LIN52: variants seen among roughly 807,000 people sequenced by gnomAD.
LIN52 encodes protein lin-52 homolog.
In LIN52, 4 loss-of-function variants were observed where a neutral mutation model predicts 18.5. The observed-to-expected ratio is 0.22, with a 90% CI of 0.11 to 0.49. LIN52 has a LOEUF of 0.49. Ranked by LOEUF, LIN52 falls within the 20% of genes least tolerant of loss-of-function variation. The probability of loss-of-function intolerance (pLI) is 0.97; values close to 1 mark genes in which losing one functional copy is unlikely to be tolerated. For synonymous variants in LIN52, 34 were observed against 45.5 expected, an observed-to-expected ratio of 0.75 and a Z score of 1.02; for missense variants, 102 against 139.5, an observed-to-expected ratio of 0.73 and a Z score of 1.35.
chr14:74,093,741 G>A (rs950810391), intron 2 of LIN52, among the ~76,000 whole-genome samples: 3 of 152,146 alleles, frequency 2.0e-5, no homozygotes, highest in East Asian at 1.9e-4. Context: ...CGAGGTGGGC[G>A]GATTACCTGA....
rs957381045 is a variant in LIN52, at chr14:74,199,542, T to A, written c.*565T>A. 6.6e-6 allele frequency: 1 copy of A among 152,284 alleles called. No homozygotes were observed. The highest frequency in any genetic ancestry group is 2.4e-5 in the African/African-American group (1 of 41,458). The allele number at this position is 152,284 out of a possible 1,614,324, so 9.4% of individuals were successfully genotyped here. Reference sequence around the variant, plus strand: ...TCTTCTCGAAATGTATATCTGTTTTTTAAAACTTCTATACCTCTTATGATA... The same window carrying A: ...TCTTCTCGAAATGTATATCTGTTTTATAAAACTTCTATACCTCTTATGATA... On this transcript the variant is annotated 3_prime_UTR_variant, in exon 6 of 6. Transcript: ENST00000555028.
At chr14:74,101,275 C>T in intron 5 of LIN52, 37 bp downstream of exon 5, 1 of 1,453,832 alleles carries the variant, frequency 6.9e-7, no homozygotes, top group South Asian at 1.3e-5. Flanking sequence ...GGGGTGTATT[C>T]CACCCTGAGC....
At chr14:74,117,175 A>T (rs1319614237) in intron 5 of LIN52, among the ~76,000 whole-genome samples, 1 of 152,234 alleles carries the variant, frequency 6.6e-6, no homozygotes, top group Non-Finnish European at 1.5e-5. Context: ...TGTTTCCCAT[A>T]CATATCTCAT....
intron 1 of LIN52, among the ~76,000 whole-genome samples, chr14:74,086,552 G>A (rs554888084): frequency 6.6e-6 from 1 of 152,062 alleles, no homozygotes; most frequent in Non-Finnish European, 1.5e-5. Context: ...TACTTGGGGG[G>A]GCTGAGGCAA....
At chr14:74,119,442 G>A (rs1319663889) in intron 5 of LIN52, among the ~76,000 whole-genome samples, 1 of 151,974 alleles carries the variant, frequency 6.6e-6, no homozygotes, top group Non-Finnish European at 1.5e-5. Context: ...GGGATTACAG[G>A]CATGAGCCGC....
Position 74,144,682 on chromosome 14 carries a change from T to G in LIN52, c.283+43444T>G, listed in dbSNP as rs796659797. 2.6e-5 allele frequency among the ~76,000 whole-genome samples: 4 copies of G among 152,326 alleles called. No individual in the cohort carries two copies. The South Asian group carries it at 8.3e-4, about 32-fold the overall frequency. On this transcript the variant is annotated intron_variant, in intron 5 of 5. Transcript: ENST00000555028. ...TGAGGTAACTGCAAATTTCCAAGTT[T>G]GTGATAACTCATAGTGTATCATTTT... is the stretch of plus-strand genomic sequence containing the variant.
At chr14:74,179,986 T>C (rs1355924821) in intron 5 of LIN52, among the ~76,000 whole-genome samples, 1 of 152,176 alleles carries the variant, frequency 6.6e-6, no homozygotes, top group Non-Finnish European at 1.5e-5. Flanking sequence ...TTCAGTAGAT[T>C]TGGTATGGAG....
At chr14:74,089,625 C>T (rs1390771292) in intron 1 of LIN52, among the ~76,000 whole-genome samples, 2 of 152,116 alleles carry the variant, frequency 1.3e-5, no homozygotes, top group African/African-American at 4.8e-5. Context: ...ACCTCGGCCT[C>T]CCAAAACTGC....
intron 5 of LIN52, among the ~76,000 whole-genome samples, chr14:74,132,224 C>G (rs1233887729): frequency 6.6e-6 from 1 of 152,226 alleles, no homozygotes; most frequent in Non-Finnish European, 1.5e-5. Context: ...GAGTCCAGGT[C>G]TTCTGATTCT....
At chr14:74,163,436 C>T (rs1459899861) in intron 5 of LIN52, among the ~76,000 whole-genome samples, 1 of 152,106 alleles carries the variant, frequency 6.6e-6, no homozygotes, top group Non-Finnish European at 1.5e-5. Context: ...CTCTCGCTCT[C>T]TAGAAAGAAT....
chr14:74,165,612 G>A (rs1317999454), intron 5 of LIN52, among the ~76,000 whole-genome samples: 1 of 146,584 alleles, frequency 6.8e-6, no homozygotes, highest in Non-Finnish European at 1.5e-5. Flanking sequence ...GGGTTCAAGC[G>A]ATTCTCCTGC....
intron 5 of LIN52, among the ~76,000 whole-genome samples, chr14:74,101,648 G>C (rs1471019014): frequency 6.6e-6 from 1 of 151,772 alleles, no homozygotes; most frequent in African/African-American, 2.4e-5. Context: ...TTTTAGTAGA[G>C]ACGGGGTTTC....
chr14:74,144,035 G>T (rs1177120723), intron 5 of LIN52, among the ~76,000 whole-genome samples: 2 of 151,598 alleles, frequency 1.3e-5, no homozygotes, highest in Non-Finnish European at 2.9e-5. Flanking sequence ...GATCATGGCA[G>T]TATTTGTCTT....
rs931315307 is a variant in LIN52 at position 74,095,846 on chromosome 14, A to G, written c.95-102A>G. On this transcript the variant is annotated intron_variant, in intron 2 of 5. Coordinates refer to ENST00000555028, the MANE Select transcript of LIN52 (RefSeq NM_001024674.3). ...ATTGGTTTATTCTTTCTCTTCTTCT[A>G]AACTATAAGAAAACAGACAAAGCTG... 41 of 702,594 alleles carry G rather than the reference A, an allele frequency of 5.8e-5. No homozygotes were observed. In the South Asian group the frequency reaches 7.6e-4, roughly 13 times the overall value. The allele number at this position is 702,594 out of a possible 1,614,324, so 43.5% of individuals were successfully genotyped here.
At chr14:74,103,258 T>C (rs945510029) in intron 5 of LIN52, among the ~76,000 whole-genome samples, 1 of 152,008 alleles carries the variant, frequency 6.6e-6, no homozygotes, top group African/African-American at 2.4e-5. Context: ...TTTGTATTTT[T>C]AGTAGAGATG....
chr14:74,134,640 AT>A (rs143147506), intron 5 of LIN52, among the ~76,000 whole-genome samples: 10,341 of 151,830 alleles, frequency 0.068, 544 homozygotes, highest in South Asian at 0.26. Flanking sequence ...CCCCTCCCCC[AT>A]TTTCCTTTTC....
chr14:74,099,357 C>CT (rs2060838189), intron 4 of LIN52, among the ~76,000 whole-genome samples: 1 of 152,120 alleles, frequency 6.6e-6, no homozygotes, highest in South Asian at 2.1e-4. Context: ...TTCCCTCCTC[C>CT]TGCCATGGAA....
At chr14:74,185,309 C>CTGTTT (rs2061336303) in intron 5 of LIN52, among the ~76,000 whole-genome samples, 1 of 78,786 alleles carries the variant, frequency 1.3e-5, no homozygotes, top group Non-Finnish European at 2.2e-5. Flanking sequence ...ATAATGATTT[C>CTGTTT]TTTTTTTTTT....
chr14:74,088,167 T>A (rs12100858), intron 1 of LIN52, among the ~76,000 whole-genome samples: 26,134 of 152,050 alleles, frequency 0.17, 2,755 homozygotes, highest in East Asian at 0.58. Context: ...CTCGGGTCAC[T>A]GCAACCTCCG....
Sources: gnomAD v4.1 joint callset for allele counts (sites outside exome capture counted in the v4.1 genomes callset) on GRCh38, gnomAD v4.1.1 for gene constraint, MANE v1.5 for transcripts, NCBI Gene and HGNC (gene_info 2026-07-23, HGNC 2026-07-21) for gene names.